Variants in IL20RB observed in about 807,000 individuals in gnomAD.
IL20RB encodes the protein interleukin 20 receptor subunit beta, also known as interleukin-20 receptor subunit beta.
IL20RB carries 21 observed loss-of-function variants against 33.3 expected under a neutral mutation model. The ratio of observed to expected loss-of-function variants is 0.63; its 90% CI spans 0.45 to 0.91. The LOEUF (loss-of-function observed/expected upper bound fraction) is 0.91. Among genes scored for constraint, IL20RB ranks in the 40% least tolerant of loss-of-function variants. The pLI is 0.00. For missense variants in IL20RB, 345 were observed against 384.8 expected (o/e 0.90, Z 0.86); for synonymous variants, 147 against 146.8 (o/e 1.00, Z -0.01).
intron 6 of IL20RB, among the ~76,000 whole-genome samples, chr3:137,001,939 G>C (rs755204350): frequency 1.3e-5 from 2 of 151,948 alleles, no homozygotes; most frequent in Non-Finnish European, 2.9e-5. Flanking sequence ...TCCACCTCCT[G>C]ACAGGCCCCG....
chr3:136,971,406 C>T (rs192610203), intron 1 of IL20RB, among the ~76,000 whole-genome samples: 1 of 152,328 alleles, frequency 6.6e-6, no homozygotes, highest in East Asian at 1.9e-4. Flanking sequence ...GCTGGGATTA[C>T]AGGTGTGAGC....
chr3:136,967,213 C>T (rs1202000489), intron 1 of IL20RB, among the ~76,000 whole-genome samples: 1 of 151,938 alleles, frequency 6.6e-6, no homozygotes, highest in African/African-American at 2.4e-5. Context: ...TCTATTAGGT[C>T]TGCTTGTGCA....
At chr3:136,990,602 CAGA>C (rs550459897) in intron 4 of IL20RB, among the ~76,000 whole-genome samples, 355 of 152,338 alleles carry the variant, frequency 2.3e-3, no homozygotes, top group Middle Eastern at 0.02. Context: ...ACCAAATCCT[CAGA>C]AGAAGAATCC....
chr3:136,995,250 G>T (rs1942103211), intron 5 of IL20RB, among the ~76,000 whole-genome samples, 164 bp from the exon 6 acceptor site: 1 of 152,220 alleles, frequency 6.6e-6, no homozygotes, highest in Non-Finnish European at 1.5e-5. Flanking sequence ...TGCTTTTAAT[G>T]GTGGTAATTT....
At chr3:136,970,330 A>C (rs1222074021) in intron 1 of IL20RB, among the ~76,000 whole-genome samples, 1 of 152,004 alleles carries the variant, frequency 6.6e-6, no homozygotes, top group African/African-American at 2.4e-5. Context: ...CCTGAGCTCA[A>C]GTGATTCACC....
Position 137,010,215 on chromosome 3 carries a change from A to C in IL20RB, c.928A>C (p.Ile310Leu). ...MSPEELLRAW[I>L]S ...TCCTGAGGAACTCCTCAGGGCCTGG[A>C]TCTCATAGGTTTGCGGAAGGGCCCA... Residue 310 changes from isoleucine (I) to leucine (L), a missense_variant, in exon 7 of 7, where the codon ATC (isoleucine) becomes CTC (leucine). By Grantham distance (5) the Ile-to-Leu change is conservative. Coordinates refer to ENST00000329582, the MANE Select transcript of IL20RB (RefSeq NM_144717.4). 3 of 1,548,852 alleles carry C rather than the reference A, an allele frequency of 1.9e-6. No individual in the cohort carries two copies. The highest frequency in any genetic ancestry group is 2.7e-6 in the Non-Finnish European group (3 of 1,120,380).
intron 6 of IL20RB, among the ~76,000 whole-genome samples, chr3:136,996,946 T>C (rs1019119634): frequency 6.6e-6 from 1 of 152,182 alleles, no homozygotes; most frequent in Non-Finnish European, 1.5e-5. Context: ...TCTGCAGTTA[T>C]TGGGGAAGTG....
At chr3:136,985,055 G>A (rs1195647622) in intron 3 of IL20RB, among the ~76,000 whole-genome samples, 1 of 152,160 alleles carries the variant, frequency 6.6e-6, no homozygotes, top group Non-Finnish European at 1.5e-5. Flanking sequence ...TATGTGGGTG[G>A]GGATGTGCTG....
intron 1 of IL20RB, among the ~76,000 whole-genome samples, chr3:136,969,665 C>T (rs1199367699): frequency 2.0e-5 from 3 of 152,006 alleles, no homozygotes; most frequent in South Asian, 2.1e-4. Context: ...TTCTGCGTCG[C>T]TCACGCTGGG....
At chr3:136,981,938 C>A in intron 2 of IL20RB, 1 of 362,556 alleles carries the variant, frequency 2.8e-6, no homozygotes. Flanking sequence ...AAAAGAGATC[C>A]AGACACATTG....
chr3:137,005,466 A>G (rs1012744376), intron 6 of IL20RB, among the ~76,000 whole-genome samples: 33 of 152,342 alleles, frequency 2.2e-4, no homozygotes, highest in African/African-American at 7.5e-4. Flanking sequence ...GGGTGCATAC[A>G]TATTTAGGAT....
chr3:136,987,392 G>GAC (rs1941929838), intron 3 of IL20RB, among the ~76,000 whole-genome samples: 2 of 152,290 alleles, frequency 1.3e-5, no homozygotes, highest in Admixed American at 1.3e-4. Context: ...TGAGCTAGTA[G>GAC]ACACAGGGTG....
At chr3:137,002,617 GT>G (rs1050511872) in intron 6 of IL20RB, among the ~76,000 whole-genome samples, 106 of 148,286 alleles carry the variant, frequency 7.1e-4, no homozygotes, top group Non-Finnish European at 1.2e-3. Context: ...CTTTTTGATG[GT>G]TTTTTTTTTC....
At chr3:136,970,510 A>G (rs761124837) in intron 1 of IL20RB, among the ~76,000 whole-genome samples, 1 of 152,190 alleles carries the variant, frequency 6.6e-6, no homozygotes, top group African/African-American at 2.4e-5. Flanking sequence ...TCTTGGGTCT[A>G]TTCCTTTGCC....
intron 6 of IL20RB, among the ~76,000 whole-genome samples, chr3:137,007,025 T>G (rs911067327): frequency 2.6e-5 from 4 of 152,218 alleles, no homozygotes; most frequent in Non-Finnish European, 5.9e-5. Context: ...AACAGTCAGG[T>G]CCCTCAGCTG....
chr3:136,962,490 A>T (rs150983843), intron 1 of IL20RB, among the ~76,000 whole-genome samples: 21 of 152,340 alleles, frequency 1.4e-4, no homozygotes, highest in African/African-American at 4.8e-4. Context: ...GTGGTGGCTC[A>T]TGCCTGTAAT....
At chr3:136,978,081 T>C (rs1481655808) in intron 1 of IL20RB, among the ~76,000 whole-genome samples, 2 of 152,056 alleles carry the variant, frequency 1.3e-5, no homozygotes, top group African/African-American at 4.8e-5. Context: ...AGATGTTAGC[T>C]GTAGGTTTTT....
At chr3:136,969,672 T>A (rs1941420160) in intron 1 of IL20RB, among the ~76,000 whole-genome samples, 1 of 152,050 alleles carries the variant, frequency 6.6e-6, no homozygotes, top group South Asian at 2.1e-4. Context: ...TCGCTCACGC[T>A]GGGAGCTGTA....
At chr3:137,007,537 A>T (rs962389712) in intron 6 of IL20RB, among the ~76,000 whole-genome samples, 2 of 152,140 alleles carry the variant, frequency 1.3e-5, no homozygotes, top group African/African-American at 4.8e-5. Context: ...TCGCAGATTG[A>T]TCTCAGACTG....
Sources: gnomAD v4.1 joint callset for allele counts (sites outside exome capture counted in the v4.1 genomes callset) on GRCh38, gnomAD v4.1.1 for gene constraint, MANE v1.5 for transcripts, NCBI Gene and HGNC (gene_info 2026-07-23, HGNC 2026-07-21) for gene names.